The following CEP112 variants were observed in gnomAD, a reference collection of about 807,000 sequenced individuals.
CEP112 encodes the protein centrosomal protein 112, also known as centrosomal protein of 112 kDa.
A neutral mutation model predicts 153.0 loss-of-function variants in CEP112; 127 were observed. That is an observed-to-expected ratio of 0.83 (90% CI 0.72 to 0.96). CEP112 has a LOEUF of 0.96. Among genes scored for constraint, CEP112 ranks in the 40% least tolerant of loss-of-function variants. The probability of loss-of-function intolerance (pLI) is 0.00; values close to 1 mark genes in which losing one functional copy is unlikely to be tolerated. For synonymous variants in CEP112, 358 were observed against 374.4 expected, an observed-to-expected ratio of 0.96 and a Z score of 0.51; for missense variants, 1,089 against 1,101.2, an observed-to-expected ratio of 0.99 and a Z score of 0.16.
At chr17:66,092,288 C>T (rs542037410) in intron 8 of CEP112, among the ~76,000 whole-genome samples, 2 of 151,568 alleles carry the variant, frequency 1.3e-5, no homozygotes, top group Non-Finnish European at 2.9e-5. Context: ...TATCTGCCCA[C>T]CTCAGCCTCC....
chr17:65,827,562 T>C (rs1361465344), intron 21 of CEP112, among the ~76,000 whole-genome samples: 1 of 152,226 alleles, frequency 6.6e-6, no homozygotes, highest in Non-Finnish European at 1.5e-5. Context: ...TTTGTTCTCA[T>C]GCAGCTAGAA....
At chr17:65,645,032 T>C (rs73351225) in intron 24 of CEP112, among the ~76,000 whole-genome samples, 21,591 of 152,056 alleles carry the variant, frequency 0.14, 1,930 homozygotes, top group East Asian at 0.48. Context: ...CCTGAGACAT[T>C]GTGTGCCCTT....
At chr17:66,110,152 C>A (rs1392175557) in intron 6 of CEP112, among the ~76,000 whole-genome samples, 2 of 151,934 alleles carry the variant, frequency 1.3e-5, no homozygotes, top group African/African-American at 4.8e-5. Flanking sequence ...GAGCAAGACT[C>A]CGTCTCAAAA....
chr17:65,772,665 T>C (rs1241551576), intron 21 of CEP112, among the ~76,000 whole-genome samples: 1 of 151,938 alleles, frequency 6.6e-6, no homozygotes, highest in African/African-American at 2.4e-5. Context: ...ACTGTGTTAG[T>C]TTTGCAAACA....
intron 24 of CEP112, among the ~76,000 whole-genome samples, chr17:65,677,759 A>G (rs1284971574): frequency 6.6e-6 from 1 of 152,046 alleles, no homozygotes; most frequent in Non-Finnish European, 1.5e-5. Context: ...TTAAAAATAC[A>G]AAAATTAGCC....
chr17:66,109,674 T>G (rs562080046), intron 6 of CEP112, among the ~76,000 whole-genome samples: 1 of 152,174 alleles, frequency 6.6e-6, no homozygotes, highest in South Asian at 2.1e-4. Context: ...TTTTGGACAG[T>G]CTCGATGTTG....
At chr17:65,857,483 G>A (rs559664606) in intron 20 of CEP112, among the ~76,000 whole-genome samples, 96 of 152,132 alleles carry the variant, frequency 6.3e-4, no homozygotes, top group African/African-American at 2.1e-3. Context: ...CTCGTGATCC[G>A]CCCACCTCAG....
chr17:66,119,532 C>A (rs2069471399), intron 6 of CEP112, among the ~76,000 whole-genome samples: 2 of 152,100 alleles, frequency 1.3e-5, no homozygotes. Flanking sequence ...TGAAATTCAT[C>A]CACTTTATTG....
intron 23 of CEP112, among the ~76,000 whole-genome samples, chr17:65,729,903 A>T (rs2050400883): frequency 7.1e-6 from 1 of 141,814 alleles, no homozygotes; most frequent in Non-Finnish European, 1.5e-5. Context: ...ACATAGCGAG[A>T]TCCTGTCTCA....
chr17:65,858,080 G>A (rs1221415817), intron 20 of CEP112, among the ~76,000 whole-genome samples: 1 of 152,042 alleles, frequency 6.6e-6, no homozygotes, highest in Non-Finnish European at 1.5e-5. Flanking sequence ...GATTACATAC[G>A]TTATTTTTAT....
rs230600 is a variant in CEP112 at position 66,190,540 on chromosome 17, C to T, written c.-9+1457G>A. Among the ~76,000 whole-genome samples the T allele has an allele frequency of 3.3e-3, 498 of 151,882 alleles. 2 individuals carry two copies. Among genetic ancestry groups the T allele is most frequent in the African/African-American group, 0.012 (480 of 41,434 alleles). The stretch of plus-strand genomic sequence containing the variant: ...ATTATTTCAAAGGTAACCCAGGTGA[C>T]GGACGTTGCAGTGAGCGTGAGCTGA... On this transcript the variant is annotated intron_variant, in intron 1 of 26. Coordinates refer to ENST00000535342, the MANE Select transcript of CEP112 (RefSeq NM_001199165.4).
At chr17:66,179,541 A>T (rs1040727709) in intron 2 of CEP112, among the ~76,000 whole-genome samples, 1 of 152,022 alleles carries the variant, frequency 6.6e-6, no homozygotes, top group South Asian at 2.1e-4. Context: ...TTGATTTTGT[A>T]CCCTGCATCT....
chr17:65,919,424 A>C (rs2060622184), intron 19 of CEP112, among the ~76,000 whole-genome samples: 1 of 152,220 alleles, frequency 6.6e-6, no homozygotes, highest in Non-Finnish European at 1.5e-5. Flanking sequence ...GTGAAATGCT[A>C]TCATCATAAC....
At chr17:65,903,146 G>T (rs886687809) in intron 19 of CEP112, 4 of 152,298 alleles carry the variant, frequency 2.6e-5, no homozygotes, top group Non-Finnish European at 4.4e-5. Context: ...GATGAATAGG[G>T]GACGGCAGGA....
At chr17:65,842,781 G>A (rs2057569877) in intron 21 of CEP112, among the ~76,000 whole-genome samples, 1 of 152,104 alleles carries the variant, frequency 6.6e-6, no homozygotes, top group South Asian at 2.1e-4. Flanking sequence ...TTGTTACATA[G>A]GAGATACATA....
At position 65,704,091 on chromosome 17, in the gene CEP112, C is replaced by T. The variant is rs561325767; in HGVS notation, c.2608-14873G>A. ...TCCAGTATGACGGACGTCCTCACAA[C>T]AAGAGACGCACAGGAAGAGGTTGGC... On this transcript the variant is annotated intron_variant, in intron 23 of 26. Coordinates refer to ENST00000535342, the MANE Select transcript of CEP112 (RefSeq NM_001199165.4). Among the ~76,000 whole-genome samples, 6 of 152,074 alleles carry T rather than the reference C, an allele frequency of 3.9e-5. No individual in the cohort carries two copies. The South Asian group carries it at 1.2e-3, about 32-fold the overall frequency.
chr17:66,055,950 T>G (rs1224881995), intron 11 of CEP112, among the ~76,000 whole-genome samples: 2 of 152,192 alleles, frequency 1.3e-5, no homozygotes, highest in Non-Finnish European at 2.9e-5. Flanking sequence ...AGTGAGCACT[T>G]TCCCAAACCT....
chr17:66,181,354 T>C (rs564628653), intron 2 of CEP112, among the ~76,000 whole-genome samples: 1 of 152,200 alleles, frequency 6.6e-6, no homozygotes, highest in East Asian at 1.9e-4. Context: ...CTAACTTTTT[T>C]TTTTCTTTTG....
chr17:65,745,613 C>T (rs1391365557), intron 22 of CEP112, among the ~76,000 whole-genome samples: 1 of 152,052 alleles, frequency 6.6e-6, no homozygotes, highest in African/African-American at 2.4e-5. Flanking sequence ...TAAACTATAA[C>T]TTTGTAGAAG....
Sources: allele counts gnomAD v4.1 joint callset (sites outside exome capture counted in the v4.1 genomes callset), GRCh38; gene constraint gnomAD v4.1.1; transcripts MANE v1.5; gene names NCBI Gene and HGNC (gene_info 2026-07-23, HGNC 2026-07-21).